ERC2: variants seen among roughly 807,000 people sequenced by gnomAD.
ERC2 encodes the protein ELKS/RAB6-interacting/CAST family member 2, also known as ERC protein 2.
A neutral mutation model predicts 114.8 loss-of-function variants in ERC2; 42 were observed. That is an observed-to-expected ratio of 0.37 (90% CI 0.29 to 0.47). The LOEUF is 0.47. Among genes scored for constraint, ERC2 ranks in the 20% least tolerant of loss-of-function variants. The pLI is 0.99. For missense variants in ERC2, 939 were observed against 1,150.7 expected, an observed-to-expected ratio of 0.82 and a Z score of 2.66; for synonymous variants, 454 against 425.5, an observed-to-expected ratio of 1.07 and a Z score of -0.82.
chr3:56,217,160 A>T (rs1195735136), intron 3 of ERC2, among the ~76,000 whole-genome samples: 1 of 152,202 alleles, frequency 6.6e-6, no homozygotes, highest in African/African-American at 2.4e-5. Flanking sequence ...CAGGAGAAGG[A>T]AATAAAGGGT....
chr3:55,932,387 C>T (rs1028231178), intron 13 of ERC2, among the ~76,000 whole-genome samples: 1 of 151,912 alleles, frequency 6.6e-6, no homozygotes, highest in Non-Finnish European at 1.5e-5. Context: ...GTATTTAATG[C>T]ACTTCATCAA....
At chr3:55,830,256 G>A (rs1391971935) in intron 14 of ERC2, among the ~76,000 whole-genome samples, 1 of 152,164 alleles carries the variant, frequency 6.6e-6, no homozygotes, top group East Asian at 1.9e-4. Context: ...CTTCAGGACT[G>A]AAGATGAAAC....
chr3:56,244,541 G>C (rs2051548434), intron 3 of ERC2, among the ~76,000 whole-genome samples: 3 of 152,076 alleles, frequency 2.0e-5, no homozygotes, highest in African/African-American at 7.2e-5. Flanking sequence ...CATCAACAGT[G>C]ATGTTGATGA....
chr3:56,212,941 C>T (rs34235403), intron 3 of ERC2, among the ~76,000 whole-genome samples: 68,997 of 151,966 alleles, frequency 0.45, 16,129 homozygotes, highest in East Asian at 0.71. Context: ...GAAAAACAAA[C>T]ATTCTATGTT....
chr3:55,922,558 C>G (rs1196793709), intron 13 of ERC2, among the ~76,000 whole-genome samples: 1 of 152,020 alleles, frequency 6.6e-6, no homozygotes, highest in Admixed American at 6.6e-5. Context: ...GTCTTAATTT[C>G]TACAGTTGCT....
chr3:56,161,596 T>C (rs2082052167), intron 4 of ERC2, among the ~76,000 whole-genome samples: 1 of 152,184 alleles, frequency 6.6e-6, no homozygotes, highest in African/African-American at 2.4e-5. Flanking sequence ...GCAGTTCTTC[T>C]CATAGAGATC....
At chr3:55,520,717 A>G (rs2052867764) in intron 17 of ERC2, among the ~76,000 whole-genome samples, 1 of 152,236 alleles carries the variant, frequency 6.6e-6, no homozygotes, top group Non-Finnish European at 1.5e-5. Flanking sequence ...CTCCAAACGT[A>G]AGCTCCATTA....
chr3:56,016,402 T>A (rs1320694975), intron 8 of ERC2, among the ~76,000 whole-genome samples: 1 of 150,708 alleles, frequency 6.6e-6, no homozygotes, highest in Non-Finnish European at 1.5e-5. Flanking sequence ...GAGTCATGGG[T>A]CTTTTTGTAG....
At chr3:56,008,565 C>T (rs999460019) in intron 9 of ERC2, among the ~76,000 whole-genome samples, 2 of 152,194 alleles carry the variant, frequency 1.3e-5, no homozygotes, top group African/African-American at 4.8e-5. Context: ...CTGCTGACGG[C>T]AACTGCATAT....
chr3:56,083,862 T>C (rs1395040455), intron 6 of ERC2, among the ~76,000 whole-genome samples: 1 of 151,216 alleles, frequency 6.6e-6, no homozygotes, highest in Non-Finnish European at 1.5e-5. Context: ...TATTTAGAGA[T>C]ATCAAAATAA....
chr3:55,808,087 C>A (rs540851022), intron 14 of ERC2, among the ~76,000 whole-genome samples: 3 of 152,240 alleles, frequency 2.0e-5, no homozygotes, highest in African/African-American at 7.2e-5. Flanking sequence ...CCTAATAAAT[C>A]ATCTAAGTCT....
At chr3:55,924,187 T>C (rs1278338339) in intron 13 of ERC2, among the ~76,000 whole-genome samples, 1 of 152,066 alleles carries the variant, frequency 6.6e-6, no homozygotes, top group Non-Finnish European at 1.5e-5. Context: ...ACTGGTAGAA[T>C]TAAAGCTGTC....
chr3:56,199,767 C>T (rs2048306962), intron 3 of ERC2, among the ~76,000 whole-genome samples: 1 of 152,096 alleles, frequency 6.6e-6, no homozygotes, highest in South Asian at 2.1e-4. Flanking sequence ...TCTTGGCCTC[C>T]CAAAGCACTG....
chr3:55,551,515 T>C (rs1242441066), intron 17 of ERC2, among the ~76,000 whole-genome samples: 1 of 152,042 alleles, frequency 6.6e-6, no homozygotes, highest in East Asian at 1.9e-4. Flanking sequence ...AGAGTGCGAT[T>C]CCGTCTCAAA....
intron 14 of ERC2, among the ~76,000 whole-genome samples, chr3:55,837,150 G>A: frequency 6.6e-6 from 1 of 152,196 alleles, no homozygotes. Context: ...CTTTTACACT[G>A]TTGGTGGGAC....
At chr3:55,665,178 C>T (rs1249663025) in intron 17 of ERC2, among the ~76,000 whole-genome samples, 1 of 152,152 alleles carries the variant, frequency 6.6e-6, no homozygotes, top group Non-Finnish European at 1.5e-5. Flanking sequence ...AAAATCAAGA[C>T]ACTTTCCTCA....
intron 15 of ERC2, among the ~76,000 whole-genome samples, chr3:55,716,883 T>C (rs914084004): frequency 6.6e-6 from 1 of 152,186 alleles, no homozygotes; most frequent in African/African-American, 2.4e-5. Context: ...GCTATCTATA[T>C]ATGGAGACCA....
In ERC2 at chr3:55,532,949, A is replaced by G. The variant is rs372330320; in HGVS notation, c.*40-21673T>C. On this transcript the variant is annotated intron_variant, in intron 17 of 17. Coordinates refer to ENST00000288221, the MANE Select transcript of ERC2 (RefSeq NM_015576.3). Reference sequence around the variant, plus strand: ...GCTTTCAACGGAACAGGAAAAAAACAAACAAACAAAAACTGCCTGAAACCC... The same window carrying G: ...GCTTTCAACGGAACAGGAAAAAAACGAACAAACAAAAACTGCCTGAAACCC... 1.3e-4 allele frequency among the ~76,000 whole-genome samples: 20 copies of G among 152,318 alleles called. No homozygotes were observed. The South Asian group carries it at 3.9e-3, about 30-fold the overall frequency.
intron 15 of ERC2, among the ~76,000 whole-genome samples, chr3:55,708,441 T>C (rs1043125182): frequency 6.6e-6 from 1 of 152,248 alleles, no homozygotes; most frequent in African/African-American, 2.4e-5. Flanking sequence ...CAGCACATGC[T>C]ATACTTAGCT....
Sources: allele counts gnomAD v4.1 joint callset (sites outside exome capture counted in the v4.1 genomes callset), GRCh38; gene constraint gnomAD v4.1.1; transcripts MANE v1.5; gene names NCBI Gene and HGNC (gene_info 2026-07-23, HGNC 2026-07-21).